Variants in SERPINE2 observed in about 807,000 individuals in gnomAD.
SERPINE2 encodes glia-derived nexin.
In SERPINE2, 14 loss-of-function variants were observed where a neutral mutation model predicts 36.3. That is an observed-to-expected ratio of 0.39 (90% CI 0.25 to 0.60). SERPINE2 has a LOEUF of 0.60. Among genes scored for constraint, SERPINE2 ranks in the 20% least tolerant of loss-of-function variants. SERPINE2 has a pLI of 0.57. For missense variants in SERPINE2, 418 were observed against 499.6 expected, an observed-to-expected ratio of 0.84 and a Z score of 1.56; for synonymous variants, 192 against 191.8, an observed-to-expected ratio of 1.00 and a Z score of -0.01.
chr2:224,000,675 T>A (rs1056630527), intron 2 of SERPINE2, among the ~76,000 whole-genome samples: 2 of 152,084 alleles, frequency 1.3e-5, no homozygotes, highest in African/African-American at 4.8e-5. Context: ...TCCTAATGCT[T>A]TCCCTCCCCT....
chr2:224,036,326 A>G (rs1010117168), intron 1 of SERPINE2, among the ~76,000 whole-genome samples: 1 of 146,698 alleles, frequency 6.8e-6, no homozygotes, highest in African/African-American at 2.6e-5. Flanking sequence ...AGAAGGTGGC[A>G]ACCAGGGATG....
intron 3 of SERPINE2, among the ~76,000 whole-genome samples, chr2:223,997,257 G>A (rs1421511814): frequency 1.3e-5 from 2 of 152,002 alleles, no homozygotes; most frequent in Admixed American, 1.3e-4. Flanking sequence ...GTCTCATTCT[G>A]TTGCCCAGGC....
chr2:224,030,880 G>A, intron 1 of SERPINE2: 7 of 770,932 alleles, frequency 9.1e-6, no homozygotes, highest in Non-Finnish European at 1.1e-5. Context: ...TCAATCCAAA[G>A]GTCAGTACTA....
At chr2:224,011,918 T>C (rs1489127565) in intron 1 of SERPINE2, among the ~76,000 whole-genome samples, 1 of 152,268 alleles carries the variant, frequency 6.6e-6, no homozygotes, top group African/African-American at 2.4e-5. Context: ...ACCAGCTTTG[T>C]GCACTTATCT....
At chr2:224,024,519 T>C (rs1432709405) in intron 1 of SERPINE2, among the ~76,000 whole-genome samples, 1 of 152,220 alleles carries the variant, frequency 6.6e-6, no homozygotes, top group Admixed American at 6.5e-5. Context: ...AAGAAACCTA[T>C]GCCCATTTAA....
intron 1 of SERPINE2, among the ~76,000 whole-genome samples, chr2:224,003,663 A>G (rs370488192): frequency 2.0e-5 from 3 of 152,302 alleles, no homozygotes; most frequent in South Asian, 4.1e-4. Context: ...TAGGAAATTT[A>G]CATGTATTTA....
At chr2:223,995,137 C>G (rs1690829604) in intron 3 of SERPINE2, among the ~76,000 whole-genome samples, 1 of 152,138 alleles carries the variant, frequency 6.6e-6, no homozygotes, top group Non-Finnish European at 1.5e-5. Context: ...GCCTGTGTGG[C>G]TGGAACATAG....
intron 1 of SERPINE2, among the ~76,000 whole-genome samples, chr2:224,016,141 T>C (rs894525017): frequency 1.3e-5 from 2 of 152,188 alleles, no homozygotes; most frequent in Non-Finnish European, 2.9e-5. Flanking sequence ...CTGGTGAGGA[T>C]GCAGAGAAAC....
intron 8 of SERPINE2, among the ~76,000 whole-genome samples, chr2:223,977,194 A>G (rs950056111): frequency 4.6e-5 from 7 of 152,202 alleles, no homozygotes; most frequent in Non-Finnish European, 5.9e-5. Flanking sequence ...CTAATACACA[A>G]AAGTTGAAGT....
intron 1 of SERPINE2, among the ~76,000 whole-genome samples, chr2:224,027,661 C>T (rs1481681361): frequency 1.3e-5 from 2 of 152,174 alleles, no homozygotes; most frequent in African/African-American, 2.4e-5. Flanking sequence ...AGATCCTCTA[C>T]AGACAATGCT....
chr2:223,979,306 T>C (rs1690131851), intron 7 of SERPINE2: 1 of 152,234 alleles, frequency 6.6e-6, no homozygotes, highest in African/African-American at 2.4e-5. Flanking sequence ...TCAGCAAAAC[T>C]GGTCAATAAC....
intron 1 of SERPINE2, among the ~76,000 whole-genome samples, chr2:224,003,023 C>T (rs967246030): frequency 1.3e-5 from 2 of 151,922 alleles, no homozygotes; most frequent in African/African-American, 4.8e-5. Context: ...TACAGGGATG[C>T]GAGCAGATGA....
chr2:223,975,904 C>T lies in SERPINE2; in HGVS notation c.1157G>A (p.Gly386Asp), dbSNP rs1470499051. 6.3e-7 allele frequency: 1 copy of T among 1,594,622 alleles called. No homozygotes were observed. Among genetic ancestry groups the T allele is most frequent in the Non-Finnish European group, 8.6e-7 (1 of 1,167,116 alleles). The change falls in exon 9 of 9, where the codon GGT (glycine) becomes GAT (aspartate). Residue 386 changes from glycine to aspartate, a missense_variant and splice_region_variant. Coordinates refer to ENST00000409304, the MANE Select transcript of SERPINE2 (RefSeq NM_001136528.2). The part of the protein sequence containing the change: ...FLFFIRHNPT[G>D]AVLFMGQINK... ...TATCTGCCCCATGAATAACACAGCA[C>T]CTACAGAATTAAAAGAAAACAATGC...
At chr2:223,982,572 C>T in intron 6 of SERPINE2, 109 bp downstream of exon 6, 1 of 590,874 alleles carries the variant, frequency 1.7e-6, no homozygotes, top group South Asian at 2.6e-5. Context: ...AAACCTTGTA[C>T]AGTTTCAGGG....
At chr2:223,981,045 C>T (rs1480531058) in intron 6 of SERPINE2, 1 of 152,356 alleles carries the variant, frequency 6.6e-6, no homozygotes, top group Non-Finnish European at 1.5e-5. Context: ...ACCATTCCAG[C>T]AACACCCACT....
chr2:224,001,869 G>C lies in SERPINE2; in HGVS notation c.32C>G (p.Ala11Gly). Residue 11 changes from alanine to glycine, a missense_variant, in exon 2 of 9, where the codon GCC becomes GGC. Physicochemically the swap from Ala to Gly is moderately conservative, Grantham distance 60 (BLOSUM62 0). Coordinates refer to ENST00000409304, the MANE Select transcript of SERPINE2 (RefSeq NM_001136528.2). ...GCAGATGGAAGGCAGCGTCACAGAG[G>C]CCAAGAGGAAGAGGGGGAGATGCCA... MNWHLPLFLL[A>G]SVTLPSICSH... 1 of 1,613,952 alleles carries C rather than the reference G, an allele frequency of 6.2e-7. No individual in the cohort carries two copies. The highest frequency in any genetic ancestry group is 8.5e-7 in the Non-Finnish European group (1 of 1,179,842).
chr2:224,014,191 A>C (rs1230893200), intron 1 of SERPINE2, among the ~76,000 whole-genome samples: 3 of 152,158 alleles, frequency 2.0e-5, no homozygotes, highest in African/African-American at 7.2e-5. Flanking sequence ...CCTGGCTAAC[A>C]CAGTGAAACC....
intron 1 of SERPINE2, among the ~76,000 whole-genome samples, chr2:224,016,283 T>C (rs1012132099): frequency 1.3e-5 from 2 of 152,210 alleles, no homozygotes; most frequent in Non-Finnish European, 2.9e-5. Context: ...GCGGATCACC[T>C]GAGCCCGAGG....
At chr2:224,029,915 T>C (rs975124374) in intron 1 of SERPINE2, among the ~76,000 whole-genome samples, 2 of 152,226 alleles carry the variant, frequency 1.3e-5, no homozygotes, top group East Asian at 3.8e-4. Context: ...CAGGCTGTTT[T>C]TGAATTCCGA....
Sources: gnomAD v4.1 joint callset for allele counts (sites outside exome capture counted in the v4.1 genomes callset) on GRCh38, gnomAD v4.1.1 for gene constraint, MANE v1.5 for transcripts, NCBI Gene and HGNC (gene_info 2026-07-23, HGNC 2026-07-21) for gene names.